The following KLHL18 variants were observed in gnomAD, a reference collection of about 807,000 sequenced individuals.
The protein encoded by KLHL18 is kelch like family member 18.
Under a neutral mutation model 58.5 loss-of-function variants are expected in KLHL18, and 38 were observed. That is an observed-to-expected ratio of 0.65 (90% CI 0.50 to 0.85). KLHL18 has a LOEUF of 0.85. Among genes scored for constraint, KLHL18 ranks in the 40% least tolerant of loss-of-function variants. KLHL18 has a pLI of 0.00. For synonymous variants in KLHL18, 303 were observed against 301.9 expected (o/e 1.00, Z -0.04); for missense variants, 624 against 778.4 (o/e 0.80, Z 2.36).
chr3:47,290,538 T>G (rs984878356), intron 1 of KLHL18, among the ~76,000 whole-genome samples: 1 of 152,086 alleles, frequency 6.6e-6, no homozygotes, highest in Non-Finnish European at 1.5e-5. Context: ...CACAGCCCAC[T>G]GCAGCGTCGA....
Position 47,291,839 on chromosome 3 carries a change from T to C in KLHL18, c.129+8745T>C, listed in dbSNP as rs73831492. The stretch of plus-strand genomic sequence containing the variant: ...CTTACTACAGGTGATCATGGGACTA[T>C]ACTGATTAGTAAGTGAGTAAGTAAC... On this transcript the variant is annotated intron_variant, in intron 1 of 9. Transcript: ENST00000232766. Among the ~76,000 whole-genome samples the C allele has an allele frequency of 1.8e-3, 277 of 152,382 alleles. 2 individuals are homozygous for C. Among genetic ancestry groups the C allele is most frequent in the African/African-American group, 6.4e-3 (265 of 41,592 alleles).
intron 3 of KLHL18, among the ~76,000 whole-genome samples, chr3:47,328,938 T>C (rs975355161): frequency 1.3e-5 from 2 of 151,936 alleles, no homozygotes; most frequent in African/African-American, 4.8e-5. Context: ...CAAACCTGCC[T>C]GGACAACATG....
At chr3:47,305,142 A>G (rs1042193060) in intron 1 of KLHL18, among the ~76,000 whole-genome samples, 1 of 152,124 alleles carries the variant, frequency 6.6e-6, no homozygotes, top group East Asian at 1.9e-4. Flanking sequence ...TGAGCTTGCT[A>G]GAACTTCCAA....
intron 1 of KLHL18, 119 bp downstream of exon 1, chr3:47,283,213 G>A: frequency 1.1e-6 from 1 of 911,562 alleles, no homozygotes; most frequent in East Asian, 3.1e-5. Flanking sequence ...AGAGGTGTGA[G>A]GGGGGCCGAG....
chr3:47,284,004 G>A (rs1702574988), intron 1 of KLHL18, among the ~76,000 whole-genome samples: 1 of 152,208 alleles, frequency 6.6e-6, no homozygotes, highest in Non-Finnish European at 1.5e-5. Context: ...TTTGAGAGGC[G>A]AGAGGATCAC....
intron 4 of KLHL18, among the ~76,000 whole-genome samples, chr3:47,331,912 G>A (rs1329659620): frequency 6.6e-6 from 1 of 152,152 alleles, no homozygotes; most frequent in Non-Finnish European, 1.5e-5. Flanking sequence ...TCTTTGATAG[G>A]AGCACAAGCC....
At chr3:47,305,738 T>C (rs1002893154) in intron 1 of KLHL18, among the ~76,000 whole-genome samples, 1 of 152,154 alleles carries the variant, frequency 6.6e-6, no homozygotes, top group Non-Finnish European at 1.5e-5. Flanking sequence ...CTGGACCTGG[T>C]AGATTTCTTT....
At chr3:47,289,647 G>A (rs1702749238) in intron 1 of KLHL18, among the ~76,000 whole-genome samples, 2 of 152,304 alleles carry the variant, frequency 1.3e-5, no homozygotes, top group South Asian at 2.1e-4. Context: ...GGCTGGGTAC[G>A]GTGGCTCACA....
chr3:47,331,254 G>T lies in KLHL18; in HGVS notation c.600+1105G>T, dbSNP rs1703852382. On this transcript the variant is annotated intron_variant, in intron 4 of 9. Transcript: ENST00000232766. ...CAATTCTCCTGCTTCAGCCTCCCAA[G>T]TAGCTGGGATTACAGGTGCCCGCTA... 2.0e-5 allele frequency among the ~76,000 whole-genome samples: 3 copies of T among 151,848 alleles called. No individual in the cohort carries two copies. The South Asian group carries it at 6.2e-4, about 32-fold the overall frequency.
chr3:47,284,535 C>T (rs1015829644), intron 1 of KLHL18, among the ~76,000 whole-genome samples: 9 of 151,904 alleles, frequency 5.9e-5, no homozygotes, highest in South Asian at 2.1e-4. Context: ...CAGGGTTTCA[C>T]CATGTTGCTC....
At chr3:47,321,760 G>T (rs1047952752) in intron 2 of KLHL18, among the ~76,000 whole-genome samples, 13 of 152,190 alleles carry the variant, frequency 8.5e-5, no homozygotes, top group Non-Finnish European at 1.5e-4. Context: ...GTGAAGGATG[G>T]TGGAGTCTGT....
intron 3 of KLHL18, among the ~76,000 whole-genome samples, chr3:47,329,643 A>C (rs958653037): frequency 6.6e-6 from 1 of 152,072 alleles, no homozygotes; most frequent in African/African-American, 2.4e-5. Flanking sequence ...TCTCAAACAG[A>C]TTTTCAGTGC....
chr3:47,288,261 G>A (rs903314307), intron 1 of KLHL18, among the ~76,000 whole-genome samples: 5 of 148,246 alleles, frequency 3.4e-5, no homozygotes, highest in Non-Finnish European at 7.4e-5. Context: ...GCCAACCACT[G>A]CACTAATTCA....
At chr3:47,313,362 C>T (rs1309199959) in intron 1 of KLHL18, among the ~76,000 whole-genome samples, 3 of 152,050 alleles carry the variant, frequency 2.0e-5, no homozygotes, top group Non-Finnish European at 4.4e-5. Flanking sequence ...GGACTACAGA[C>T]GCATACCACT....
Position 47,334,588 on chromosome 3 carries a change from C to A in KLHL18, c.762-95C>A. On this transcript the variant is annotated intron_variant, in intron 5 of 9. Transcript: ENST00000232766. The surrounding 1 kb of genome is among the most constrained non-coding windows in gnomAD (Gnocchi z 4.7). ...AGAAGGCTTCTCCTCCCAGGTTTCC[C>A]CTGCAGTTGGCAGTGGAGAGCCAGG... The A allele has an allele frequency of 6.9e-7, 1 of 1,445,784 alleles. No homozygotes were observed. The highest frequency in any genetic ancestry group is 9.6e-7 in the Non-Finnish European group (1 of 1,044,496). 89.6% of individuals were successfully genotyped at this position (1,445,784 alleles called of 1,614,324 possible).
At chr3:47,320,872 CACTACACTCCAGCCTGGGCAACAG>C (rs1350727005) in intron 2 of KLHL18, among the ~76,000 whole-genome samples, 1 of 152,126 alleles carries the variant, frequency 6.6e-6, no homozygotes, top group Non-Finnish European at 1.5e-5. Flanking sequence ...GTGATCACAC[CACTACACTCCAGCCTGGGCAACAG>C]AGTGAGACCT....
At position 47,343,639 on chromosome 3, in the gene KLHL18, C is replaced by T. The variant is rs1704160299; in HGVS notation, c.1423C>T (p.Leu475=). 5 of 1,614,188 alleles carry T rather than the reference C, an allele frequency of 3.1e-6. No individual in the cohort carries two copies. The highest frequency in any genetic ancestry group is 4.2e-6 in the Non-Finnish European group (5 of 1,180,048). Residue 475 remains leucine, a synonymous_variant, in exon 10 of 10, where the codon CTG becomes TTG. Coordinates refer to ENST00000232766, the MANE Select transcript of KLHL18 (RefSeq NM_025010.5). The part of the protein sequence containing the change: ...NKRCRHGAAS[L]GSKMFVCGGY... ...GCGCTGCCGGCACGGAGCCGCCTCCCTGGGGAGCAAGATGTTTGTCTGCGG... is the reference window on the plus strand; with the variant it reads ...GCGCTGCCGGCACGGAGCCGCCTCCTTGGGGAGCAAGATGTTTGTCTGCGG...
chr3:47,307,311 G>A (rs1260248082), intron 1 of KLHL18, among the ~76,000 whole-genome samples: 1 of 152,150 alleles, frequency 6.6e-6, no homozygotes, highest in African/African-American at 2.4e-5. Context: ...GACCTCAAGT[G>A]ATCTGCCCAC....
chr3:47,283,607 A>G (rs1427363710), intron 1 of KLHL18, among the ~76,000 whole-genome samples: 1 of 152,104 alleles, frequency 6.6e-6, no homozygotes, highest in Non-Finnish European at 1.5e-5. Flanking sequence ...TCTCTGGAAA[A>G]TTTTTGAGGT....
Sources: allele counts gnomAD v4.1 joint callset (sites outside exome capture counted in the v4.1 genomes callset), GRCh38; gene constraint gnomAD v4.1.1; non-coding constraint Gnocchi (gnomAD v3.1); transcripts MANE v1.5; gene names NCBI Gene and HGNC (gene_info 2026-07-23, HGNC 2026-07-21).